Variants in RAB3C observed in about 807,000 individuals in gnomAD.
The protein encoded by RAB3C is ras-related protein Rab-3C.
RAB3C carries 17 observed loss-of-function variants against 26.4 expected under a neutral mutation model. The observed-to-expected ratio is 0.64, with a 90% CI of 0.44 to 0.97. The LOEUF (loss-of-function observed/expected upper bound fraction) is 0.97, where lower values mean the gene tolerates loss of function less well. Ranked by LOEUF, RAB3C falls within the 50% of genes least tolerant of loss-of-function variation. The probability of loss-of-function intolerance (pLI) is 0.00; values close to 1 mark genes in which losing one functional copy is unlikely to be tolerated. For synonymous variants in RAB3C, 91 were observed against 95.9 expected (o/e 0.95, Z 0.30); for missense variants, 242 against 281.9 (o/e 0.86, Z 1.01).
intron 1 of RAB3C, among the ~76,000 whole-genome samples, chr5:58,593,988 A>C (rs1368892461): frequency 6.6e-6 from 1 of 152,132 alleles, no homozygotes; most frequent in African/African-American, 2.4e-5. Flanking sequence ...AATCATAGCC[A>C]CTTAGCTCCT....
intron 2 of RAB3C, among the ~76,000 whole-genome samples, chr5:58,620,736 C>G (rs138568608): frequency 6.1e-4 from 93 of 152,300 alleles, no homozygotes; most frequent in African/African-American, 2.2e-3. Flanking sequence ...CTAGGTCTAT[C>G]ACATTCTAAC....
intron 3 of RAB3C, among the ~76,000 whole-genome samples, chr5:58,787,380 C>G (rs1386023569): frequency 1.3e-5 from 2 of 152,132 alleles, no homozygotes; most frequent in African/African-American, 4.8e-5. Context: ...CTCAAGAAAT[C>G]TCTTGAGAAG....
intron 4 of RAB3C, among the ~76,000 whole-genome samples, chr5:58,826,568 C>T (rs940929058): frequency 9.9e-5 from 15 of 152,058 alleles, no homozygotes; most frequent in Admixed American, 3.3e-4. Context: ...TTGGCCAGGA[C>T]CTGCAGTAAG....
chr5:58,696,109 T>C (rs1748692030), intron 2 of RAB3C, among the ~76,000 whole-genome samples: 1 of 152,214 alleles, frequency 6.6e-6, no homozygotes, highest in African/African-American at 2.4e-5. Context: ...CAATACTTAG[T>C]TTATTAAGAA....
chr5:58,622,355 G>C (rs1223881123), intron 2 of RAB3C, among the ~76,000 whole-genome samples: 2 of 152,124 alleles, frequency 1.3e-5, no homozygotes, highest in African/African-American at 4.8e-5. Flanking sequence ...CTAGAAACTG[G>C]CTAATCCTGG....
intron 3 of RAB3C, among the ~76,000 whole-genome samples, chr5:58,752,301 A>C (rs1424947952): frequency 1.3e-5 from 2 of 152,146 alleles, no homozygotes; most frequent in Non-Finnish European, 2.9e-5. Context: ...CTTGGAAAAG[A>C]CCAAGCTATC....
chr5:58,681,749 G>T (rs1748348664), intron 2 of RAB3C, among the ~76,000 whole-genome samples: 1 of 152,154 alleles, frequency 6.6e-6, no homozygotes, highest in Admixed American at 6.5e-5. Context: ...GACTAGAAAA[G>T]AATTCTTAGT....
At chr5:58,814,877 G>T (rs1743183079) in intron 3 of RAB3C, 1 of 152,164 alleles carries the variant, frequency 6.6e-6, no homozygotes, top group South Asian at 2.1e-4. Flanking sequence ...TCTAAGTTTA[G>T]ATTTAGACTA....
intron 3 of RAB3C, among the ~76,000 whole-genome samples, chr5:58,740,734 C>T (rs1451140293): frequency 1.3e-5 from 2 of 152,208 alleles, no homozygotes; most frequent in Admixed American, 6.5e-5. Context: ...GCAGGAAAAT[C>T]GCTTGAACCC....
chr5:58,663,760 TA>T (rs1747949512), intron 2 of RAB3C, among the ~76,000 whole-genome samples: 1 of 151,920 alleles, frequency 6.6e-6, no homozygotes, highest in Non-Finnish European at 1.5e-5. Context: ...AAACAAAAAT[TA>T]AAAAATGAAA....
chr5:58,603,319 C>T (rs1348995406), intron 1 of RAB3C, among the ~76,000 whole-genome samples: 1 of 152,136 alleles, frequency 6.6e-6, no homozygotes, highest in African/African-American at 2.4e-5. Context: ...TGATACATTT[C>T]CCAGGTGTTC....
At chr5:58,812,715 G>C (rs1044540314) in intron 3 of RAB3C, among the ~76,000 whole-genome samples, 3 of 152,104 alleles carry the variant, frequency 2.0e-5, no homozygotes, top group African/African-American at 4.8e-5. Flanking sequence ...AAAACAGCAA[G>C]GAAAATCACA....
At chr5:58,723,359 C>T (rs1170573135) in intron 2 of RAB3C, among the ~76,000 whole-genome samples, 1 of 151,752 alleles carries the variant, frequency 6.6e-6, no homozygotes, top group Non-Finnish European at 1.5e-5. Context: ...ACCTTGTAAT[C>T]AGGCCAGCCT....
intron 3 of RAB3C, among the ~76,000 whole-genome samples, chr5:58,733,370 CACA>C (rs1302052964): frequency 2.0e-5 from 3 of 152,174 alleles, no homozygotes; most frequent in Admixed American, 6.5e-5. Flanking sequence ...TATAAACAAT[CACA>C]CTGGAAGCTG....
chr5:58,830,308 A>G (rs1743584754), intron 4 of RAB3C, among the ~76,000 whole-genome samples: 1 of 152,222 alleles, frequency 6.6e-6, no homozygotes. Context: ...AAGGTAGTGC[A>G]GGCGGGACAT....
intron 1 of RAB3C, among the ~76,000 whole-genome samples, chr5:58,591,737 A>G (rs1007064030): frequency 1.3e-4 from 20 of 150,430 alleles, no homozygotes; most frequent in African/African-American, 4.9e-4. Flanking sequence ...CCATTTTCAT[A>G]TATTACAATT....
chr5:58,834,560 A>C (rs1300912142), intron 4 of RAB3C, among the ~76,000 whole-genome samples: 1 of 152,212 alleles, frequency 6.6e-6, no homozygotes, highest in Non-Finnish European at 1.5e-5. Context: ...TCTCAATTGA[A>C]GTATTTCTCA....
intron 1 of RAB3C, among the ~76,000 whole-genome samples, chr5:58,616,091 A>T (rs1746820389): frequency 6.6e-6 from 1 of 151,870 alleles, no homozygotes; most frequent in South Asian, 2.1e-4. Context: ...CATCTCTTGG[A>T]GCCTCTCCCT....
At chr5:58,735,091 G>A (rs577767619) in intron 3 of RAB3C, among the ~76,000 whole-genome samples, 6 of 152,172 alleles carry the variant, frequency 3.9e-5, no homozygotes, top group East Asian at 3.9e-4. Context: ...TATTCTATGC[G>A]AGGCCCATCA....
Sources: allele counts gnomAD v4.1 joint callset (sites outside exome capture counted in the v4.1 genomes callset), GRCh38; gene constraint gnomAD v4.1.1; transcripts MANE v1.5; gene names NCBI Gene and HGNC (gene_info 2026-07-23, HGNC 2026-07-21).